DRC11: variants seen among roughly 807,000 people sequenced by gnomAD.
DRC11 encodes the protein IQ and AAA domain-containing protein 1.
the DRC11 span, chr2:236,493,789 G>A: frequency 8.0e-4 from 1,275 of 1,601,620 alleles, 3 homozygotes; most frequent in African/African-American, 0.011. Flanking sequence ...TATCTATTCC[G>A]CTGTCCGCTA....
chr2:236,388,134 T>G, the DRC11 span, among the ~76,000 whole-genome samples: 6 of 152,196 alleles, frequency 3.9e-5, no homozygotes, highest in Non-Finnish European at 8.8e-5. Flanking sequence ...CTCACGATTA[T>G]GTGTCTTGGA....
At chr2:236,321,000 T>G in the DRC11 span, among the ~76,000 whole-genome samples, 2 of 152,202 alleles carry the variant, frequency 1.3e-5, no homozygotes, top group Non-Finnish European at 2.9e-5. Context: ...TTTGCTGACC[T>G]GCTCCGTGGA....
At chr2:236,413,867 A>G in the DRC11 span, among the ~76,000 whole-genome samples, 2 of 152,230 alleles carry the variant, frequency 1.3e-5, no homozygotes, top group Non-Finnish European at 2.9e-5. This position sits in a 1 kb window ranked among gnomAD's most constrained non-coding sequence, Gnocchi z 4.0. Context: ...ATAGTGCTCT[A>G]TTACTGCGAC....
At chr2:236,403,394 C>T in the DRC11 span, among the ~76,000 whole-genome samples, 7 of 151,708 alleles carry the variant, frequency 4.6e-5, no homozygotes, top group Non-Finnish European at 8.8e-5. Context: ...GAGGATGGCT[C>T]TTGAAAGGAC....
the DRC11 span, among the ~76,000 whole-genome samples, chr2:236,456,493 C>T: frequency 6.6e-6 from 1 of 152,188 alleles, no homozygotes; most frequent in East Asian, 1.9e-4. The surrounding 1 kb of genome is among the most constrained non-coding windows in gnomAD (Gnocchi z 5.4). Context: ...GGTCTACACC[C>T]TCAATCAGGC....
At chr2:236,461,989 G>T in the DRC11 span, among the ~76,000 whole-genome samples, 1 of 152,116 alleles carries the variant, frequency 6.6e-6, no homozygotes, top group Non-Finnish European at 1.5e-5. The surrounding 1 kb of genome is among the most constrained non-coding windows in gnomAD (Gnocchi z 4.0). Flanking sequence ...GAAGGAAAGA[G>T]AGGAGTGAGG....
chr2:236,307,915 G>A, the DRC11 span, among the ~76,000 whole-genome samples: 5,026 of 151,868 alleles, frequency 0.033, 310 homozygotes, highest in African/African-American at 0.11. The surrounding 1 kb of genome is among the most constrained non-coding windows in gnomAD (Gnocchi z 7.0). Context: ...ATATGCTTGC[G>A]GGGGCACAAG....
At chr2:236,436,732 G>T in the DRC11 span, among the ~76,000 whole-genome samples, 284 of 152,078 alleles carry the variant, frequency 1.9e-3, 4 homozygotes, top group Admixed American at 0.014. Flanking sequence ...CCAAATTTTT[G>T]ATCTTCATAG....
chr2:236,393,326 T>C, the DRC11 span, among the ~76,000 whole-genome samples: 1 of 152,092 alleles, frequency 6.6e-6, no homozygotes, highest in African/African-American at 2.4e-5. The surrounding 1 kb of genome is among the most constrained non-coding windows in gnomAD (Gnocchi z 4.7). Context: ...GGACAAGGGC[T>C]GCCCCTTGTG....
the DRC11 span, among the ~76,000 whole-genome samples, chr2:236,484,517 A>G: frequency 6.6e-6 from 1 of 152,128 alleles, no homozygotes; most frequent in African/African-American, 2.4e-5. Context: ...TTAACTAATT[A>G]TTTATGGGCA....
the DRC11 span, among the ~76,000 whole-genome samples, chr2:236,331,065 T>C: frequency 6.6e-6 from 1 of 152,178 alleles, no homozygotes; most frequent in Non-Finnish European, 1.5e-5. This position sits in a 1 kb window ranked among gnomAD's most constrained non-coding sequence, Gnocchi z 4.8. Context: ...AAATATGAAG[T>C]AAAAACCCAA....
At chr2:236,464,738 G>C in the DRC11 span, among the ~76,000 whole-genome samples, 1 of 152,000 alleles carries the variant, frequency 6.6e-6, no homozygotes, top group Admixed American at 6.5e-5. Flanking sequence ...CTGGGTCATG[G>C]GGGTGGATCC....
chr2:236,469,816 AACTC>A, the DRC11 span, among the ~76,000 whole-genome samples: 25 of 152,354 alleles, frequency 1.6e-4, no homozygotes, highest in African/African-American at 5.8e-4. The surrounding 1 kb of genome is among the most constrained non-coding windows in gnomAD (Gnocchi z 5.8). Context: ...CATAAACAGC[AACTC>A]ATTTAAAAAT....
At chr2:236,462,755 G>A in the DRC11 span, among the ~76,000 whole-genome samples, 1 of 152,144 alleles carries the variant, frequency 6.6e-6, no homozygotes, top group Non-Finnish European at 1.5e-5. The surrounding 1 kb of genome is among the most constrained non-coding windows in gnomAD (Gnocchi z 6.4). Context: ...ACAGCTGTTG[G>A]TGTAATTTCC....
the DRC11 span, among the ~76,000 whole-genome samples, chr2:236,357,360 T>C: frequency 1.7e-5 from 2 of 119,266 alleles, no homozygotes; most frequent in Non-Finnish European, 3.2e-5. Context: ...TATGTATATA[T>C]ATTATAAATA....
At chr2:236,437,626 T>C in the DRC11 span, among the ~76,000 whole-genome samples, 577 of 150,272 alleles carry the variant, frequency 3.8e-3, 5 homozygotes, top group African/African-American at 0.013. Context: ...TTTTTAATGA[T>C]TGCCATTCTA....
chr2:236,403,696 G>A, the DRC11 span, among the ~76,000 whole-genome samples: 5 of 152,128 alleles, frequency 3.3e-5, no homozygotes, highest in African/African-American at 1.2e-4. Flanking sequence ...TCCTAACTTT[G>A]TGGCCTTATC....
the DRC11 span, among the ~76,000 whole-genome samples, chr2:236,322,510 T>C: frequency 6.6e-6 from 1 of 152,090 alleles, no homozygotes; most frequent in Non-Finnish European, 1.5e-5. Flanking sequence ...CCTCCCAAAG[T>C]GCTGGGATTA....
At chr2:236,384,128 T>C in the DRC11 span, among the ~76,000 whole-genome samples, 1 of 151,276 alleles carries the variant, frequency 6.6e-6, no homozygotes, top group Non-Finnish European at 1.5e-5. Flanking sequence ...TAAACATACG[T>C]GTGCATGTGT....
Sources: allele counts gnomAD v4.1 joint callset (sites outside exome capture counted in the v4.1 genomes callset), GRCh38; gene constraint gnomAD v4.1.1; non-coding constraint Gnocchi (gnomAD v3.1); transcripts MANE v1.5; gene names NCBI Gene and HGNC (gene_info 2026-07-23, HGNC 2026-07-21).